AVL9: variants seen among roughly 807,000 people sequenced by gnomAD.
The protein encoded by AVL9 is AVL9 cell migration associated, also known as late secretory pathway protein AVL9 homolog.
In AVL9, 49 loss-of-function variants were observed where a neutral mutation model predicts 79.2. That is an observed-to-expected ratio of 0.62 (90% CI 0.49 to 0.79). The LOEUF is 0.79. AVL9 is among the 30% of genes least tolerant of loss of function. The pLI, the probability that AVL9 is intolerant of heterozygous loss-of-function variation, is 0.00. For synonymous variants in AVL9, 299 were observed against 280.6 expected, an observed-to-expected ratio of 1.07 and a Z score of -0.65; for missense variants, 682 against 776.8, an observed-to-expected ratio of 0.88 and a Z score of 1.45.
intron 1 of AVL9, among the ~76,000 whole-genome samples, chr7:32,510,512 C>T: frequency 6.9e-6 from 1 of 144,636 alleles, no homozygotes; most frequent in African/African-American, 2.6e-5. Flanking sequence ...TGGGAGAATC[C>T]ACAGTCCTGG....
intron 15 of AVL9, 182 bp downstream of exon 15, chr7:32,581,072 C>G: frequency 2.0e-6 from 1 of 504,810 alleles, no homozygotes; most frequent in Non-Finnish European, 3.3e-6. Context: ...AATGGTCAAA[C>G]TCCATTATCT....
intron 1 of AVL9, among the ~76,000 whole-genome samples, chr7:32,529,175 G>A (rs1355499084): frequency 1.3e-5 from 2 of 152,228 alleles, no homozygotes; most frequent in African/African-American, 2.4e-5. Context: ...TCTCATTTAA[G>A]ATTTAGGAAA....
chr7:32,515,055 T>A (rs1787850515), intron 1 of AVL9, among the ~76,000 whole-genome samples: 1 of 152,204 alleles, frequency 6.6e-6, no homozygotes, highest in Non-Finnish European at 1.5e-5. Context: ...ATCTTCCTTT[T>A]TCTCCATAGA....
chr7:32,541,000 G>A (rs1215115784), intron 1 of AVL9, among the ~76,000 whole-genome samples: 7 of 141,044 alleles, frequency 5.0e-5, no homozygotes, highest in African/African-American at 1.6e-4. Context: ...CCGGGTTCAC[G>A]CCATTCTCCT....
At chr7:32,578,549 T>G (rs1392248887) in intron 13 of AVL9, among the ~76,000 whole-genome samples, 1 of 152,238 alleles carries the variant, frequency 6.6e-6, no homozygotes, top group African/African-American at 2.4e-5. Context: ...GGCTCACGCC[T>G]GTAATTCTAG....
intron 1 of AVL9, among the ~76,000 whole-genome samples, chr7:32,514,037 A>G (rs1357302682): frequency 6.6e-6 from 1 of 152,200 alleles, no homozygotes. Flanking sequence ...GTTTTCTCCT[A>G]TCTCAGAATA....
At chr7:32,544,916 T>C in intron 3 of AVL9, 137 bp downstream of exon 3, 1 of 611,806 alleles carries the variant, frequency 1.6e-6, no homozygotes, top group Non-Finnish European at 2.9e-6. Context: ...GTTTTTTCAA[T>C]AGTGCCAGTT....
chr7:32,570,587 C>G (rs988813347), intron 11 of AVL9, among the ~76,000 whole-genome samples: 1 of 151,728 alleles, frequency 6.6e-6, no homozygotes, highest in East Asian at 1.9e-4. Context: ...ATACGAAATT[C>G]AAATCATTTG....
At position 32,580,208 on chromosome 7, in the gene AVL9, T is replaced by G; in HGVS notation, c.1689-11T>G. 1 of 1,606,060 alleles carries G rather than the reference T, an allele frequency of 6.2e-7. No homozygotes were observed. The highest frequency in any genetic ancestry group is 1.3e-5 in the African/African-American group (1 of 74,566). On this transcript the variant is annotated splice_polypyrimidine_tract_variant and intron_variant, in intron 13 of 15. Transcript: ENST00000318709. ...AAATACTGATAGTTTAAACTCAAAC[T>G]TTTTTTACAGCCATCCATTTCAAGG...
intron 4 of AVL9, 59 bp downstream of exon 4, chr7:32,548,977 G>T: frequency 8.9e-7 from 1 of 1,119,420 alleles, no homozygotes; most frequent in East Asian, 2.6e-5. Context: ...CTTTCTTTAA[G>T]GATAAGGCAC....
rs370178700 is a variant in AVL9, at chr7:32,500,362, T to C, written c.93+4560T>C. Among the ~76,000 whole-genome samples the C allele has an allele frequency of 1.7e-4, 26 of 152,348 alleles. No individual in the cohort carries two copies. In the East Asian group the frequency reaches 4.0e-3, roughly 24 times the overall value. On this transcript the variant is annotated intron_variant, in intron 1 of 15. Coordinates refer to ENST00000318709, the MANE Select transcript of AVL9 (RefSeq NM_015060.3). Reference sequence around the variant, plus strand: ...CAATGATGATGAGCTTTTTTTCATATGTTTATTGGCTGCACAGATATCTTT... The same window carrying C: ...CAATGATGATGAGCTTTTTTTCATACGTTTATTGGCTGCACAGATATCTTT...
chr7:32,543,503 A>G (rs911873337), intron 2 of AVL9, among the ~76,000 whole-genome samples: 19 of 152,252 alleles, frequency 1.2e-4, no homozygotes, highest in African/African-American at 4.6e-4. Context: ...TAGCCAGAGC[A>G]GGACAGCCAC....
chr7:32,564,608 T>C (rs1790473702), intron 10 of AVL9, among the ~76,000 whole-genome samples: 1 of 152,238 alleles, frequency 6.6e-6, no homozygotes, highest in Admixed American at 6.5e-5. Context: ...ACCAACTTTC[T>C]AATCCTCTCT....
chr7:32,527,607 A>G (rs941757068), intron 1 of AVL9, among the ~76,000 whole-genome samples: 6 of 152,178 alleles, frequency 3.9e-5, no homozygotes, highest in Admixed American at 6.5e-5. Flanking sequence ...CTGACCTAGA[A>G]CAGTGAATTG....
chr7:32,508,383 G>C (rs776817540), intron 1 of AVL9, among the ~76,000 whole-genome samples: 16 of 152,110 alleles, frequency 1.1e-4, no homozygotes, highest in Middle Eastern at 3.2e-3. Flanking sequence ...AAAATTTGTA[G>C]TATCCACATT....
intron 10 of AVL9, among the ~76,000 whole-genome samples, chr7:32,560,852 G>A (rs1209598995): frequency 2.6e-5 from 4 of 152,304 alleles, no homozygotes; most frequent in East Asian, 1.9e-4. Flanking sequence ...CAAAATGAAC[G>A]TTGTGTTCCT....
At chr7:32,546,085 A>ATTTTTTTTTTT (rs1562779099) in intron 3 of AVL9, among the ~76,000 whole-genome samples, 749 of 30,776 alleles carry the variant, frequency 0.024, 15 homozygotes, top group African/African-American at 0.059. Context: ...TTTTTTTTTA[A>ATTTTTTTTTTT]ATATCTGTAC....
At chr7:32,525,291 T>C (rs1446030061) in intron 1 of AVL9, among the ~76,000 whole-genome samples, 1 of 152,248 alleles carries the variant, frequency 6.6e-6, no homozygotes, top group Non-Finnish European at 1.5e-5. Context: ...ATAAGTTTAG[T>C]AAGAGTCTTT....
rs1238748302 is a variant in AVL9 at position 32,587,680 on chromosome 7, G to A, written c.*3773G>A. The A allele has an allele frequency of 3.3e-5, 5 of 152,246 alleles. No homozygotes were observed. The East Asian group carries it at 5.8e-4, about 18-fold the overall frequency. 9.4% of individuals were successfully genotyped at this position (152,246 alleles called of 1,614,324 possible). ...GTGCCATTTTTGGCATTTCCACCCC[G>A]TCTCGTGGTAGCCTTTAAAAGTGGT... is the stretch of plus-strand genomic sequence containing the variant. On this transcript the variant is annotated 3_prime_UTR_variant, in exon 16 of 16. Transcript: ENST00000318709.
Sources: allele counts gnomAD v4.1 joint callset (sites outside exome capture counted in the v4.1 genomes callset), GRCh38; gene constraint gnomAD v4.1.1; transcripts MANE v1.5; gene names NCBI Gene and HGNC (gene_info 2026-07-23, HGNC 2026-07-21).